Variants in PIK3AP1 observed in about 807,000 individuals in gnomAD.
PIK3AP1 encodes the protein phosphoinositide-3-kinase adaptor protein 1, also known as phosphoinositide 3-kinase adapter protein 1.
A neutral mutation model predicts 88.1 loss-of-function variants in PIK3AP1; 21 were observed. The ratio of observed to expected loss-of-function variants is 0.24; its 90% CI spans 0.17 to 0.34. The LOEUF (loss-of-function observed/expected upper bound fraction) is 0.34, where lower values mean the gene tolerates loss of function less well. Among genes scored for constraint, PIK3AP1 ranks in the 10% least tolerant of loss-of-function variants. The pLI is 1.00. For synonymous variants in PIK3AP1, 398 were observed against 400.0 expected, an observed-to-expected ratio of 1.00 and a Z score of 0.06; for missense variants, 828 against 1,035.7, an observed-to-expected ratio of 0.80 and a Z score of 2.75.
Position 96,709,945 on chromosome 10 carries a change from G to C in PIK3AP1, c.52C>G (p.Pro18Ala). ...TACTGGCACCATTCCTCGGCATCCG[G>C]GCTGTAGACGATGAGGATGTCGCAT... ...RGCDILIVYS[P>A]DAEEWCQYLQ... is the part of the protein sequence containing the mutation. Residue 18 changes from proline (P) to alanine (A), a missense_variant, in exon 2 of 17, where the codon CCG (proline) becomes GCG (alanine). This residue lies in a region of PIK3AP1 where 610 missense variants were observed against 760.1 expected (regional missense o/e 0.80). Coordinates refer to ENST00000339364, the MANE Select transcript of PIK3AP1 (RefSeq NM_152309.3). 6.2e-7 allele frequency: 1 copy of C among 1,601,696 alleles called. No individual in the cohort carries two copies. The highest frequency in any genetic ancestry group is 1.1e-5 in the South Asian group (1 of 90,660).
intron 2 of PIK3AP1, among the ~76,000 whole-genome samples, chr10:96,693,441 GTGGATGGATGGA>G (rs3979613): frequency 9.1e-4 from 137 of 150,650 alleles, no homozygotes; most frequent in African/African-American, 3.2e-3. Flanking sequence ...AGATAGATGA[GTGGATGGATGGA>G]TGGATGGATG....
chr10:96,595,444 G>T lies in PIK3AP1; in HGVS notation c.*133C>A. ...GAGGCAAGCCCAAACCAGCAGGGCT[G>T]CAGCATTATCAGCAATGAGAATGGA... On this transcript the variant is annotated 3_prime_UTR_variant, in exon 17 of 17. Coordinates refer to ENST00000339364, the MANE Select transcript of PIK3AP1 (RefSeq NM_152309.3). 1.0e-6 allele frequency: 1 copy of T among 1,004,362 alleles called. No homozygotes were observed. Among genetic ancestry groups the T allele is most frequent in the Non-Finnish European group, 1.5e-6 (1 of 669,530 alleles). 62.2% of individuals were successfully genotyped at this position (1,004,362 alleles called of 1,614,324 possible). A position where few individuals can be genotyped will look rare whatever the true frequency, so the allele number is the denominator to read the frequency against.
chr10:96,612,595 C>G (rs1478898621), intron 13 of PIK3AP1, among the ~76,000 whole-genome samples: 4 of 152,094 alleles, frequency 2.6e-5, no homozygotes, highest in Non-Finnish European at 1.5e-5. Context: ...ATGATGCCTT[C>G]TCTTTGGCAA....
chr10:96,601,335 G>A (rs764836477), intron 16 of PIK3AP1, among the ~76,000 whole-genome samples: 44 of 151,970 alleles, frequency 2.9e-4, no homozygotes, highest in Admixed American at 2.4e-3. Context: ...TTAGCCAGGC[G>A]TGGTGGCAGG....
intron 8 of PIK3AP1, among the ~76,000 whole-genome samples, chr10:96,637,896 C>A (rs1277482732): frequency 6.6e-6 from 1 of 152,152 alleles, no homozygotes; most frequent in African/African-American, 2.4e-5. Context: ...GGCTCTCCAC[C>A]CTTTGGACTA....
rs992154126 is a variant in PIK3AP1 at position 96,675,043 on chromosome 10, TC to T, written c.431-18110del. ...GAGTAGATGGGATTACAGGCATGTG[TC>T]ACCACGCCCAGCTAATTGTTGTATT... is the stretch of plus-strand genomic sequence containing the variant. On this transcript the variant is annotated intron_variant, in intron 2 of 16. Coordinates refer to ENST00000339364, the MANE Select transcript of PIK3AP1 (RefSeq NM_152309.3). Among the ~76,000 whole-genome samples the T allele has an allele frequency of 4.6e-5, 7 of 152,216 alleles. No homozygotes were observed. In the East Asian group the frequency reaches 9.7e-4, roughly 21 times the overall value.
chr10:96,605,397 C>T (rs770003044), intron 14 of PIK3AP1, among the ~76,000 whole-genome samples: 15 of 152,052 alleles, frequency 9.9e-5, no homozygotes, highest in Admixed American at 2.6e-4. Flanking sequence ...TGTAAATAAC[C>T]ACGTGTGGCC....
At chr10:96,652,642 G>C in intron 4 of PIK3AP1, 56 bp downstream of exon 4, 1 of 1,582,108 alleles carries the variant, frequency 6.3e-7, no homozygotes, top group Non-Finnish European at 8.7e-7. Flanking sequence ...ATTGGTGACA[G>C]CATAGCAAAT....
chr10:96,653,236 C>G (rs1410915620), intron 3 of PIK3AP1, among the ~76,000 whole-genome samples: 1 of 151,648 alleles, frequency 6.6e-6, no homozygotes, highest in Non-Finnish European at 1.5e-5. Flanking sequence ...GAAACCCCGC[C>G]TCTACTAAAA....
intron 8 of PIK3AP1, among the ~76,000 whole-genome samples, chr10:96,631,659 C>T (rs4489672): frequency 0.86 from 131,245 of 152,128 alleles, 57,785 homozygotes; most frequent in East Asian, 1. Context: ...GAGGCCAAGG[C>T]GGGTGGATTG....
At chr10:96,642,438 A>AAACAG (rs1843403026) in intron 8 of PIK3AP1, among the ~76,000 whole-genome samples, 1 of 138,854 alleles carries the variant, frequency 7.2e-6, no homozygotes, top group African/African-American at 2.6e-5. Context: ...AAAAAAAAAA[A>AAACAG]AAAAACAGAA....
At chr10:96,623,613 T>A (rs1369868818) in intron 10 of PIK3AP1, 76 bp from the exon 11 acceptor site, 1 of 1,241,630 alleles carries the variant, frequency 8.1e-7, no homozygotes, top group African/African-American at 1.5e-5. Context: ...AATGAATCCA[T>A]ACCTAGGACC....
chr10:96,709,707 C>A lies in PIK3AP1; in HGVS notation c.290G>T (p.Arg97Leu). Reference sequence around the variant, plus strand: ...CACGCCGCAGAGCAGCCTGACCACGCGGTGCGGAGGATGGAAAGCTCTCTG... The same window carrying A: ...CACGCCGCAGAGCAGCCTGACCACGAGGTGCGGAGGATGGAAAGCTCTCTG... ...LLQRAFHPPH[R>L]VVRLLCGVRD... The change falls in exon 2 of 17, where the codon CGC becomes CTC. Residue 97 changes from arginine (R) to leucine (L), a missense_variant. Arg to Leu is a moderately radical substitution (Grantham distance 102). Transcript: ENST00000339364. The A allele has an allele frequency of 6.2e-7, 1 of 1,614,238 alleles. No individual in the cohort carries two copies. The highest frequency in any genetic ancestry group is 8.5e-7 in the Non-Finnish European group (1 of 1,180,052).
intron 8 of PIK3AP1, chr10:96,632,861 T>C (rs1228818903): frequency 6.2e-7 from 1 of 1,609,146 alleles, no homozygotes; most frequent in Non-Finnish European, 8.5e-7. Flanking sequence ...CCAGTATTTT[T>C]AGGTTCAATC....
chr10:96,623,643 A>G (rs1843117692), intron 10 of PIK3AP1, 106 bp from the exon 11 acceptor site: 3 of 988,512 alleles, frequency 3.0e-6, no homozygotes, highest in Non-Finnish European at 3.0e-6. Context: ...GGTTCTGTAA[A>G]TCAAAATTGT....
intron 2 of PIK3AP1, among the ~76,000 whole-genome samples, chr10:96,682,007 TATATATAG>T (rs777254543): frequency 1.3e-3 from 167 of 125,040 alleles, no homozygotes; most frequent in African/African-American, 3.0e-3. Flanking sequence ...TATATATATA[TATATATAG>T]AGAGAGAGAG....
intron 2 of PIK3AP1, among the ~76,000 whole-genome samples, chr10:96,679,394 G>A (rs1843968045): frequency 1.3e-5 from 2 of 152,166 alleles, no homozygotes; most frequent in African/African-American, 4.8e-5. Context: ...CAGGTGTGGT[G>A]GTGGGTGCTT....
chr10:96,628,875 C>CACACACACACATATATACAT (rs1564961141), intron 8 of PIK3AP1, among the ~76,000 whole-genome samples: 2 of 90,910 alleles, frequency 2.2e-5, no homozygotes, highest in South Asian at 7.2e-4. Flanking sequence ...CATATATACA[C>CACACACACACATATATACAT]ATATATATAT....
At position 96,720,197 on chromosome 10, in the gene PIK3AP1, G is replaced by A. The variant is rs1322745547; in HGVS notation, c.13+185C>T. On this transcript the variant is annotated intron_variant, in intron 1 of 16. Coordinates refer to ENST00000339364, the MANE Select transcript of PIK3AP1 (RefSeq NM_152309.3). The surrounding 1 kb of genome is among the most constrained non-coding windows in gnomAD (Gnocchi z 4.6). The stretch of plus-strand genomic sequence containing the variant: ...CTGAAGAGAATCGCGCCACAGGCTG[G>A]GACGGGAAACGTGGGAAAGTTGGAG... Among the ~76,000 whole-genome samples, 1 of 152,222 alleles carries A rather than the reference G, an allele frequency of 6.6e-6. No homozygotes were observed. Among genetic ancestry groups the A allele is most frequent in the Admixed American group, 6.5e-5 (1 of 15,278 alleles).
Sources: allele counts gnomAD v4.1 joint callset (sites outside exome capture counted in the v4.1 genomes callset), GRCh38; gene constraint gnomAD v4.1.1; regional missense constraint gnomAD v4.1.1; non-coding constraint Gnocchi (gnomAD v3.1); transcripts MANE v1.5; gene names NCBI Gene and HGNC (gene_info 2026-07-23, HGNC 2026-07-21).